The following IFT88 variants were observed in gnomAD, a reference collection of about 807,000 sequenced individuals.
IFT88 encodes the protein intraflagellar transport 88, also known as intraflagellar transport protein 88 homolog.
Under a neutral mutation model 119.5 loss-of-function variants are expected in IFT88, and 74 were observed. The observed-to-expected ratio is 0.62, with a 90% CI of 0.51 to 0.75. The LOEUF (loss-of-function observed/expected upper bound fraction) is 0.75. IFT88 is among the 30% of genes least tolerant of loss of function. IFT88 has a pLI of 0.00. For synonymous variants in IFT88, 279 were observed against 316.7 expected, an observed-to-expected ratio of 0.88 and a Z score of 1.26; for missense variants, 961 against 977.7, an observed-to-expected ratio of 0.98 and a Z score of 0.23.
intron 19 of IFT88, among the ~76,000 whole-genome samples, chr13:20,644,629 T>A (rs1000421236): frequency 6.6e-6 from 1 of 152,166 alleles, no homozygotes; most frequent in Admixed American, 6.5e-5. Context: ...TATTGTTATA[T>A]CAAAAGTATA....
At chr13:20,605,128 GTAGTTATTAAT>G in intron 13 of IFT88, 23 bp downstream of exon 13, 1 of 982,696 alleles carries the variant, frequency 1.0e-6, no homozygotes. Context: ...ACTTAATAAC[GTAGTTATTAAT>G]TACATTATTT....
Position 20,629,061 on chromosome 13 carries a change from T to C in IFT88, c.1300-1955T>C, listed in dbSNP as rs1199496265. On this transcript the variant is annotated intron_variant, in intron 15 of 25. Transcript: ENST00000351808. ...TTCTTTTTGTATTGTTTTATGGATG[T>C]TGTAAACATTAGAGAATAGCTTTCT... Among the ~76,000 whole-genome samples, 5 of 152,212 alleles carry C rather than the reference T, an allele frequency of 3.3e-5. No individual in the cohort carries two copies. The East Asian group carries it at 9.6e-4, about 29-fold the overall frequency.
chr13:20,573,109 G>C (rs1328326819), intron 1 of IFT88, among the ~76,000 whole-genome samples: 2 of 152,026 alleles, frequency 1.3e-5, no homozygotes, highest in African/African-American at 4.8e-5. Context: ...GAGAGGCGTG[G>C]GAGTGAAACA....
chr13:20,659,703 G>T (rs985351966), intron 22 of IFT88, among the ~76,000 whole-genome samples: 23 of 151,096 alleles, frequency 1.5e-4, no homozygotes, highest in African/African-American at 5.1e-4. Flanking sequence ...GAGTGCAGTG[G>T]TGCGATCTCG....
intron 13 of IFT88, among the ~76,000 whole-genome samples, chr13:20,614,934 G>T (rs948796618): frequency 6.7e-6 from 1 of 148,686 alleles, no homozygotes; most frequent in South Asian, 2.1e-4. Flanking sequence ...TCCTGCCTCA[G>T]CCTCCTTAGT....
At chr13:20,626,043 CTTTTTTTTTTTTTTTTTTTTT>C (rs528587128) in intron 15 of IFT88, among the ~76,000 whole-genome samples, 194 bp downstream of exon 15, 19 of 39,544 alleles carry the variant, frequency 4.8e-4, no homozygotes, top group Non-Finnish European at 7.0e-4. Context: ...TTTGTCGTTT[CTTTTTTTTTTTTTTTTTTTTT>C]TTTTTTTTTT....
chr13:20,585,266 C>T (rs1377479848), intron 3 of IFT88, among the ~76,000 whole-genome samples: 1 of 152,186 alleles, frequency 6.6e-6, no homozygotes, highest in Non-Finnish European at 1.5e-5. Context: ...GAACCATCCT[C>T]AGGCTTGATA....
chr13:20,688,348 A>T (rs1465573436), intron 24 of IFT88, among the ~76,000 whole-genome samples: 1 of 152,358 alleles, frequency 6.6e-6, no homozygotes, highest in East Asian at 1.9e-4. Flanking sequence ...ACTCCATCTC[A>T]AAAGAAAAGA....
At chr13:20,684,866 G>A (rs941534046) in intron 24 of IFT88, among the ~76,000 whole-genome samples, 8 of 152,214 alleles carry the variant, frequency 5.3e-5, no homozygotes, top group African/African-American at 1.7e-4. Flanking sequence ...GCTTCGGGGC[G>A]ACCCTTCGAC....
At chr13:20,651,759 G>A (rs1480151258) in intron 20 of IFT88, among the ~76,000 whole-genome samples, 1 of 151,882 alleles carries the variant, frequency 6.6e-6, no homozygotes, top group Non-Finnish European at 1.5e-5. Context: ...TCATAGGTAT[G>A]TTTGTATAGG....
chr13:20,635,479 T>TA (rs2140185407), intron 16 of IFT88, among the ~76,000 whole-genome samples: 1 of 152,302 alleles, frequency 6.6e-6, no homozygotes, highest in South Asian at 2.1e-4. Flanking sequence ...CAGTGCTCCC[T>TA]AGTCTGAGAA....
chr13:20,646,036 C>T (rs562957366), intron 20 of IFT88, among the ~76,000 whole-genome samples: 4 of 152,314 alleles, frequency 2.6e-5, no homozygotes, highest in African/African-American at 9.6e-5. Flanking sequence ...TAGCCATTAG[C>T]TCATGCAACA....
intron 17 of IFT88, 59 bp from the exon 18 acceptor site, chr13:20,641,231 A>G: frequency 1.1e-6 from 1 of 883,476 alleles, no homozygotes; most frequent in African/African-American, 1.7e-5. Context: ...TGTTATGTTA[A>G]ATAAATTAAT....
chr13:20,608,313 C>T (rs539363168), intron 13 of IFT88, among the ~76,000 whole-genome samples: 1 of 152,330 alleles, frequency 6.6e-6, no homozygotes, highest in South Asian at 2.1e-4. Flanking sequence ...CCATGAGCCA[C>T]AGGAGGATGC....
chr13:20,590,895 C>G lies in IFT88; in HGVS notation c.211-72C>G. On this transcript the variant is annotated intron_variant, in intron 4 of 25. Coordinates refer to ENST00000351808, the MANE Select transcript of IFT88 (RefSeq NM_006531.5). ...TTTGCCGATAGAATGAAGAAAACTT[C>G]TATAACTTGGTTTAAACATTTAAGG... 3 of 1,052,524 alleles carry G rather than the reference C, an allele frequency of 2.9e-6. No homozygotes were observed. In the South Asian group the frequency reaches 4.1e-5, roughly 14 times the overall value. 65.2% of individuals were successfully genotyped at this position (1,052,524 alleles called of 1,614,324 possible). A position where few individuals can be genotyped will look rare whatever the true frequency, so the allele number is the denominator to read the frequency against.
At chr13:20,673,095 G>C (rs2056145838) in intron 24 of IFT88, among the ~76,000 whole-genome samples, 1 of 152,114 alleles carries the variant, frequency 6.6e-6, no homozygotes, top group Non-Finnish European at 1.5e-5. Flanking sequence ...CCCTAAGGAA[G>C]TATTAAGTAT....
intron 12 of IFT88, among the ~76,000 whole-genome samples, chr13:20,602,555 TGTGG>T (rs1334398354): frequency 2.6e-5 from 4 of 152,056 alleles, no homozygotes; most frequent in Non-Finnish European, 5.9e-5. Context: ...TAAGAGCCAT[TGTGG>T]AGCAGAGGGA....
chr13:20,592,895 A>C (rs2040947900), intron 7 of IFT88, among the ~76,000 whole-genome samples: 1 of 152,152 alleles, frequency 6.6e-6, no homozygotes, highest in Non-Finnish European at 1.5e-5. Flanking sequence ...AATCATCCCT[A>C]GTTGCCAGAA....
At chr13:20,602,550 G>A (rs2042782279) in intron 12 of IFT88, among the ~76,000 whole-genome samples, 3 of 152,084 alleles carry the variant, frequency 2.0e-5, no homozygotes, top group Admixed American at 2.0e-4. Flanking sequence ...CCTATTAAGA[G>A]CCATTGTGGA....
Sources: gnomAD v4.1 joint callset for allele counts (sites outside exome capture counted in the v4.1 genomes callset) on GRCh38, gnomAD v4.1.1 for gene constraint, MANE v1.5 for transcripts, NCBI Gene and HGNC (gene_info 2026-07-23, HGNC 2026-07-21) for gene names.